TBC1D2B: variants seen among roughly 807,000 people sequenced by gnomAD.
TBC1D2B encodes TBC1 domain family, member 2B.
In TBC1D2B, 64 loss-of-function variants were observed where a neutral mutation model predicts 100.8. The observed-to-expected ratio is 0.64, with a 90% CI of 0.52 to 0.78. TBC1D2B has a LOEUF of 0.78. Among genes scored for constraint, TBC1D2B ranks in the 30% least tolerant of loss-of-function variants. The pLI is 0.00. For synonymous variants in TBC1D2B, 480 were observed against 479.7 expected (o/e 1.00, Z -0.01); for missense variants, 1,052 against 1,218.4 (o/e 0.86, Z 2.03).
chr15:78,044,549 G>A (rs561176436), intron 3 of TBC1D2B, among the ~76,000 whole-genome samples: 1 of 152,332 alleles, frequency 6.6e-6, no homozygotes, highest in East Asian at 1.9e-4. Context: ...AGGGGACTAG[G>A]CCCTAGGCAC....
chr15:78,025,158 G>A, intron 5 of TBC1D2B, 101 bp downstream of exon 5: 1 of 993,574 alleles, frequency 1.0e-6, no homozygotes. Flanking sequence ...GGGAAACAAA[G>A]CTGTCCCCAG....
At chr15:78,023,141 A>G (rs767624137) in intron 6 of TBC1D2B, among the ~76,000 whole-genome samples, 39 of 152,234 alleles carry the variant, frequency 2.6e-4, no homozygotes, top group Non-Finnish European at 4.9e-4. Context: ...AATACTCAGT[A>G]ACAACCTGGA....
At chr15:78,002,605 G>C (rs1252875911) in intron 11 of TBC1D2B, 1 of 151,926 alleles carries the variant, frequency 6.6e-6, no homozygotes, top group East Asian at 1.9e-4. Flanking sequence ...CTAAGGGCCT[G>C]TACTTTCTCT....
rs527349478 is a variant in TBC1D2B at position 78,024,222 on chromosome 15, G to A, written c.1404C>T (p.Thr468=). The change falls in exon 6 of 13, where the codon ACC becomes ACT. Residue 468 remains threonine (T), a synonymous_variant. Transcript: ENST00000300584. ...SEGEGNGPPP[T]VAPSSPSVVP... ...CAACCGAAGGGGAGCTGGGCGCCAC[G>A]GTGGGAGGAGGCCCGTTGCCCTCGC... The A allele has an allele frequency of 6.8e-6, 11 of 1,613,918 alleles. No homozygotes were observed. In the African/African-American group the frequency reaches 9.3e-5, roughly 14 times the overall value.
In TBC1D2B at chr15:78,024,569, G is replaced by C. The variant is rs113902174; in HGVS notation, c.1087-30C>G. 7.1e-4 allele frequency: 1,116 copies of C among 1,573,074 alleles called. 9 individuals carry two copies. In the African/African-American group the frequency reaches 0.014, roughly 19 times the overall value. On this transcript the variant is annotated intron_variant, in intron 5 of 12. Transcript: ENST00000300584. ...GAGCCAAAAGGAGAATGGAGTGAAG[G>C]GTGAAAAGAGCAAGGAGAGGAGGAA...
At chr15:78,019,703 C>T (rs1480140353) in intron 6 of TBC1D2B, among the ~76,000 whole-genome samples, 1 of 148,750 alleles carries the variant, frequency 6.7e-6, no homozygotes, top group African/African-American at 2.4e-5. Context: ...GCCTGGCTAA[C>T]ATGGCGAAAC....
chr15:78,008,524 C>T (rs976350050), intron 10 of TBC1D2B, among the ~76,000 whole-genome samples: 2 of 152,372 alleles, frequency 1.3e-5, no homozygotes, highest in African/African-American at 4.8e-5. Flanking sequence ...GGGTCTGGGA[C>T]TCTCCTCCCC....
intron 3 of TBC1D2B, among the ~76,000 whole-genome samples, chr15:78,031,690 TA>T (rs1482492631): frequency 6.6e-6 from 1 of 151,898 alleles, no homozygotes; most frequent in Non-Finnish European, 1.5e-5. Context: ...GTCTGTGTGC[TA>T]AAAATATTTC....
At chr15:78,042,953 G>A (rs368137796) in intron 3 of TBC1D2B, among the ~76,000 whole-genome samples, 23 of 152,242 alleles carry the variant, frequency 1.5e-4, no homozygotes, top group East Asian at 9.7e-4. Flanking sequence ...GACCAAGAAG[G>A]TGGGACTGCA....
At chr15:78,058,498 C>T (rs1341741699) in intron 1 of TBC1D2B, among the ~76,000 whole-genome samples, 1 of 152,230 alleles carries the variant, frequency 6.6e-6, no homozygotes, top group Non-Finnish European at 1.5e-5. Context: ...AGCTATAGTG[C>T]CTTTATTCAG....
chr15:78,041,362 G>A (rs994363501), intron 3 of TBC1D2B, among the ~76,000 whole-genome samples: 2 of 152,242 alleles, frequency 1.3e-5, no homozygotes, highest in African/African-American at 4.8e-5. Context: ...GCTGGTGGGG[G>A]CAGCAGGGAC....
At chr15:78,016,821 A>C (rs1014808895) in intron 7 of TBC1D2B, 82 bp from the exon 8 acceptor site, 1 of 1,165,084 alleles carries the variant, frequency 8.6e-7, no homozygotes, top group Non-Finnish European at 1.2e-6. Context: ...ACCAGTGAAC[A>C]ACAAACCCAA....
chr15:78,069,999 T>C (rs142748357), intron 1 of TBC1D2B, among the ~76,000 whole-genome samples: 13 of 152,332 alleles, frequency 8.5e-5, no homozygotes, highest in African/African-American at 2.6e-4. Flanking sequence ...ACAATCTATC[T>C]GGGAGCAGAA....
At chr15:78,070,686 C>A (rs751396791) in intron 1 of TBC1D2B, among the ~76,000 whole-genome samples, 1 of 152,228 alleles carries the variant, frequency 6.6e-6, no homozygotes, top group Non-Finnish European at 1.5e-5. Context: ...GAAACAGGGT[C>A]TCCCTCTGTC....
intron 3 of TBC1D2B, among the ~76,000 whole-genome samples, chr15:78,036,953 G>A: frequency 6.6e-6 from 1 of 152,204 alleles, no homozygotes; most frequent in East Asian, 1.9e-4. Context: ...CTGGAAAGGT[G>A]TCATCAGAAA....
At chr15:78,060,603 C>T (rs761549328) in intron 1 of TBC1D2B, among the ~76,000 whole-genome samples, 1 of 152,142 alleles carries the variant, frequency 6.6e-6, no homozygotes, top group Non-Finnish European at 1.5e-5. Flanking sequence ...GATCTGTACC[C>T]AGCCTGGGCG....
chr15:78,054,158 C>T lies in TBC1D2B; in HGVS notation c.390G>A (p.Trp130Ter). The T allele has an allele frequency of 6.2e-7, 1 of 1,613,352 alleles. No homozygotes were observed. Among genetic ancestry groups the T allele is most frequent in the Non-Finnish European group, 8.5e-7 (1 of 1,179,666 alleles). ...KAPNRQLMTY[W>*]LQELQQKRWE... Reference sequence around the variant, plus strand: ...ATCTCTTCTGCTGAAGCTCCTGTAACCAGTAAGTCATGAGTTGACGATTGG... The same window carrying T: ...ATCTCTTCTGCTGAAGCTCCTGTAATCAGTAAGTCATGAGTTGACGATTGG... Residue 130 changes from tryptophan (W) to a stop codon, truncating the protein, a stop_gained, in exon 2 of 13, where the codon TGG becomes TGA. Coordinates refer to ENST00000300584, the MANE Select transcript of TBC1D2B (RefSeq NM_144572.2). LOFTEE classifies it high-confidence loss of function.
At chr15:78,026,961 C>T (rs2072686768) in intron 4 of TBC1D2B, among the ~76,000 whole-genome samples, 1 of 151,292 alleles carries the variant, frequency 6.6e-6, no homozygotes, top group Non-Finnish European at 1.5e-5. Flanking sequence ...TGGTATGTAC[C>T]TGTGGTCCCA....
intron 10 of TBC1D2B, among the ~76,000 whole-genome samples, chr15:78,004,721 C>G (rs1288369198): frequency 6.6e-6 from 1 of 152,124 alleles, no homozygotes; most frequent in Non-Finnish European, 1.5e-5. Context: ...AACCTAGTAC[C>G]AACCTACTAA....
Sources: gnomAD v4.1 joint callset for allele counts (sites outside exome capture counted in the v4.1 genomes callset) on GRCh38, gnomAD v4.1.1 for gene constraint, MANE v1.5 for transcripts, NCBI Gene and HGNC (gene_info 2026-07-23, HGNC 2026-07-21) for gene names.